ZFAT: variants seen among roughly 807,000 people sequenced by gnomAD.
ZFAT encodes zinc finger protein ZFAT.
A neutral mutation model predicts 117.7 loss-of-function variants in ZFAT; 64 were observed. The observed-to-expected ratio is 0.54, with a 90% CI of 0.44 to 0.67. The LOEUF is 0.67. ZFAT is among the 30% of genes least tolerant of loss of function. The pLI is 0.00. For missense variants in ZFAT, 1,433 were observed against 1,584.5 expected (o/e 0.90, Z 1.62); for synonymous variants, 679 against 615.0 (o/e 1.10, Z -1.54).
At chr8:134,607,959 A>G (rs1243054322) in intron 5 of ZFAT, among the ~76,000 whole-genome samples, 1 of 152,180 alleles carries the variant, frequency 6.6e-6, no homozygotes, top group East Asian at 1.9e-4. Flanking sequence ...AGCAATTTCA[A>G]CTCTAGCAAT....
In ZFAT at chr8:134,602,020, C is replaced by G; in HGVS notation, c.1699G>C (p.Ala567Pro). 6.2e-7 allele frequency: 1 copy of G among 1,612,472 alleles called. No individual in the cohort carries two copies. Among genetic ancestry groups the G allele is most frequent in the South Asian group, 1.1e-5 (1 of 91,026 alleles). Residue 567 changes from alanine (A) to proline (P), a missense_variant, in exon 6 of 16, where the codon GCC becomes CCC. By Grantham distance (27) the Ala-to-Pro change is conservative. Coordinates refer to ENST00000377838, the MANE Select transcript of ZFAT (RefSeq NM_020863.4). ...CAGGGTGGCAGGGCTGTGCTTTCGGCCTGCGGGGAGGCCAGGTGCACAGCT... is the reference window on the plus strand; with the variant it reads ...CAGGGTGGCAGGGCTGTGCTTTCGGGCTGCGGGGAGGCCAGGTGCACAGCT... The part of the protein sequence containing the change: ...APAVHLASPQ[A>P]ESTALPPCEL...
the ZFAT span, among the ~76,000 whole-genome samples, chr8:134,748,710 A>G: frequency 6.6e-6 from 1 of 152,214 alleles, no homozygotes. Flanking sequence ...AAATCTCCAC[A>G]TCCTAGCCAA....
At chr8:134,506,435 T>C (rs1002514374) in intron 15 of ZFAT, among the ~76,000 whole-genome samples, 5 of 152,198 alleles carry the variant, frequency 3.3e-5, no homozygotes, top group African/African-American at 1.2e-4. Flanking sequence ...CAAGAAGTCG[T>C]TGAGGACAGA....
the ZFAT span, among the ~76,000 whole-genome samples, chr8:134,725,796 T>C: frequency 1.3e-5 from 2 of 151,768 alleles, no homozygotes; most frequent in Non-Finnish European, 2.9e-5. Context: ...ATTGGTCCTA[T>C]GCACATATAA....
At chr8:134,690,976 T>C (rs1046549159) in intron 1 of ZFAT, among the ~76,000 whole-genome samples, 1 of 152,240 alleles carries the variant, frequency 6.6e-6, no homozygotes, top group African/African-American at 2.4e-5. Context: ...TTCATGAGAA[T>C]AATTTTACAT....
At chr8:134,736,475 A>C in the ZFAT span, among the ~76,000 whole-genome samples, 1 of 152,212 alleles carries the variant, frequency 6.6e-6, no homozygotes. Context: ...ACATTATGGA[A>C]TGCAAAATTA....
At chr8:134,628,527 A>T (rs1447640150) in intron 3 of ZFAT, among the ~76,000 whole-genome samples, 1 of 152,212 alleles carries the variant, frequency 6.6e-6, no homozygotes, top group Non-Finnish European at 1.5e-5. Context: ...CGCTAGGGAG[A>T]CAAGGTGGAA....
rs144654336 is a variant in ZFAT, at chr8:134,642,863, G to T, written c.197-5151C>A. Among the ~76,000 whole-genome samples, 57 of 152,314 alleles carry T rather than the reference G, an allele frequency of 3.7e-4. No individual in the cohort carries two copies. The East Asian group carries it at 9.1e-3, about 24-fold the overall frequency. On this transcript the variant is annotated intron_variant, in intron 2 of 15. Coordinates refer to ENST00000377838, the MANE Select transcript of ZFAT (RefSeq NM_020863.4). ...ATTTCCAAAGCTCAGGAAGCAATAG[G>T]GGAGACAATGAATTATTTATCATAA...
the ZFAT span, among the ~76,000 whole-genome samples, chr8:134,724,121 T>C: frequency 6.6e-6 from 1 of 152,208 alleles, no homozygotes; most frequent in African/African-American, 2.4e-5. Flanking sequence ...CCAGTTTCTA[T>C]AAGCAGGCTC....
chr8:134,695,470 G>A (rs966582364), intron 1 of ZFAT, among the ~76,000 whole-genome samples: 3 of 150,296 alleles, frequency 2.0e-5, no homozygotes, highest in Non-Finnish European at 4.4e-5. Flanking sequence ...CCAAGATGGC[G>A]CCAGCCCCCA....
intron 3 of ZFAT, among the ~76,000 whole-genome samples, chr8:134,633,393 T>C (rs10092303): frequency 0.051 from 7,728 of 152,276 alleles, 689 homozygotes; most frequent in African/African-American, 0.18. Context: ...GATAATGGCA[T>C]AAGTGCAAAA....
intron 10 of ZFAT, among the ~76,000 whole-genome samples, chr8:134,567,787 C>G (rs1024631467): frequency 6.6e-6 from 1 of 151,996 alleles, no homozygotes; most frequent in South Asian, 2.1e-4. Flanking sequence ...TCTGCTTTGC[C>G]TTTGCAATCT....
chr8:134,490,184 T>C (rs923698698), intron 15 of ZFAT, among the ~76,000 whole-genome samples: 1 of 152,100 alleles, frequency 6.6e-6, no homozygotes, highest in African/African-American at 2.4e-5. Flanking sequence ...GCCACAAACA[T>C]AGATGGGAGA....
chr8:134,687,834 CG>C (rs1186265548), intron 1 of ZFAT, among the ~76,000 whole-genome samples: 7 of 152,298 alleles, frequency 4.6e-5, no homozygotes, highest in African/African-American at 1.7e-4. Flanking sequence ...ACCGCACATC[CG>C]GGTTGACAGC....
At chr8:134,659,079 G>A (rs956550112) in intron 1 of ZFAT, among the ~76,000 whole-genome samples, 4 of 152,214 alleles carry the variant, frequency 2.6e-5, no homozygotes, top group African/African-American at 9.6e-5. Flanking sequence ...ACGCTGCCTG[G>A]AAGTCACATG....
At chr8:134,628,861 A>G (rs1829698317) in intron 3 of ZFAT, among the ~76,000 whole-genome samples, 1 of 152,248 alleles carries the variant, frequency 6.6e-6, no homozygotes, top group African/African-American at 2.4e-5. Context: ...TAATATTTGT[A>G]AGACACTCAG....
At chr8:134,597,861 C>T (rs1411970179) in intron 7 of ZFAT, 1 of 152,218 alleles carries the variant, frequency 6.6e-6, no homozygotes, top group Non-Finnish European at 1.5e-5. Flanking sequence ...GAGAAGCAGG[C>T]TAGCATATCT....
chr8:134,504,625 A>G (rs1296153262), intron 15 of ZFAT, among the ~76,000 whole-genome samples: 1 of 152,236 alleles, frequency 6.6e-6, no homozygotes, highest in Non-Finnish European at 1.5e-5. Context: ...AAAAACGCCA[A>G]CATGACTTCA....
At chr8:134,597,255 C>T (rs1586781056) in intron 7 of ZFAT, among the ~76,000 whole-genome samples, 2 of 151,836 alleles carry the variant, frequency 1.3e-5, no homozygotes, top group African/African-American at 4.8e-5. Flanking sequence ...AAATAATTTG[C>T]AGGCTCAAAA....
Sources: allele counts gnomAD v4.1 joint callset (sites outside exome capture counted in the v4.1 genomes callset), GRCh38; gene constraint gnomAD v4.1.1; transcripts MANE v1.5; gene names NCBI Gene and HGNC (gene_info 2026-07-23, HGNC 2026-07-21).